KIAA1217: variants seen among roughly 807,000 people sequenced by gnomAD.
The protein encoded by KIAA1217 is KIAA1217.
Under a neutral mutation model 163.9 loss-of-function variants are expected in KIAA1217, and 88 were observed. That is an observed-to-expected ratio of 0.54 (90% CI 0.45 to 0.64). KIAA1217 has a LOEUF of 0.64. Among genes scored for constraint, KIAA1217 ranks in the 30% least tolerant of loss-of-function variants. The pLI is 0.00. For synonymous variants in KIAA1217, 903 were observed against 923.1 expected, an observed-to-expected ratio of 0.98 and a Z score of 0.39; for missense variants, 2,372 against 2,475.0, an observed-to-expected ratio of 0.96 and a Z score of 0.88.
At chr10:24,006,797 C>T (rs891275171) in intron 1 of KIAA1217, among the ~76,000 whole-genome samples, 3 of 152,130 alleles carry the variant, frequency 2.0e-5, no homozygotes, top group Non-Finnish European at 2.9e-5. Context: ...GCTCTTGGAG[C>T]GGCATAGCCA....
rs190168748 is a variant in KIAA1217 at position 24,289,648 on chromosome 10, G to A, written c.354+69739G>A. Among the ~76,000 whole-genome samples the A allele has an allele frequency of 1.0e-3, 154 of 152,232 alleles. 1 individual carries two copies. The highest frequency in any genetic ancestry group is 2.4e-4 in the Non-Finnish European group (16 of 68,014). ...AAGGAGACTGGAAGAGAAGGGACAAGCTTGAGAGAGTTTCCGTGTGGGAAG... is the reference window on the plus strand; with the variant it reads ...AAGGAGACTGGAAGAGAAGGGACAAACTTGAGAGAGTTTCCGTGTGGGAAG... On this transcript the variant is annotated intron_variant, in intron 2 of 20. Transcript: ENST00000376454.
chr10:24,253,025 C>G (rs4747483), intron 2 of KIAA1217, among the ~76,000 whole-genome samples: 111,598 of 150,962 alleles, frequency 0.74, 41,463 homozygotes, highest in Admixed American at 0.8. Flanking sequence ...ATAGGATTAC[C>G]TGAAAAGGAG....
At chr10:24,317,627 AAT>A (rs2043565123) in intron 2 of KIAA1217, among the ~76,000 whole-genome samples, 6 of 152,204 alleles carry the variant, frequency 3.9e-5, no homozygotes. Context: ...TTTTCTTTAG[AAT>A]ATACATGTAT....
At chr10:24,114,589 A>T (rs2131753350) in intron 2 of KIAA1217, among the ~76,000 whole-genome samples, 1 of 152,330 alleles carries the variant, frequency 6.6e-6, no homozygotes, top group East Asian at 1.9e-4. Context: ...CAGGAAGACA[A>T]GGTCCCTGCC....
intron 2 of KIAA1217, among the ~76,000 whole-genome samples, chr10:24,365,480 T>G (rs1456273064): frequency 6.6e-6 from 1 of 152,154 alleles, no homozygotes; most frequent in Non-Finnish European, 1.5e-5. Flanking sequence ...ACCATGCATC[T>G]GCAGGGCTTT....
rs1473593839 is a variant in KIAA1217, at chr10:24,521,920, T to A, written c.2447T>A (p.Met816Lys). Residue 816 changes from methionine (M) to lysine (K), a missense_variant, in exon 12 of 21, where the codon ATG (methionine) becomes AAG (lysine). Around this residue, in one of 3 missense-constraint regions of KIAA1217, gnomAD observed 1,431 missense variants for 1,470.3 expected, o/e 0.97. Coordinates refer to ENST00000376454, the MANE Select transcript of KIAA1217 (RefSeq NM_019590.5). ...CGCAGCATGACAGACGTCCTGACCA[T>A]GCTGCGGAGGTGACCGGGCCCTCAT... ...RVRSMTDVLT[M>K]LRRHVTDGLL... 1 of 1,609,608 alleles carries A rather than the reference T, an allele frequency of 6.2e-7. No individual in the cohort carries two copies. Among genetic ancestry groups the A allele is most frequent in the East Asian group, 2.2e-5 (1 of 44,782 alleles).
At chr10:23,851,979 T>C (rs1304829416) in intron 1 of KIAA1217, among the ~76,000 whole-genome samples, 1 of 152,018 alleles carries the variant, frequency 6.6e-6, no homozygotes, top group Non-Finnish European at 1.5e-5. Context: ...TTCACTCCGA[T>C]GGTAGTTTTT....
At chr10:23,861,844 G>A (rs796473198) in intron 1 of KIAA1217, among the ~76,000 whole-genome samples, 2 of 152,148 alleles carry the variant, frequency 1.3e-5, no homozygotes, top group South Asian at 2.1e-4. Flanking sequence ...CTGACACATG[G>A]ATTTCCTCCT....
At chr10:24,484,252 T>A (rs1244166100) in intron 6 of KIAA1217, among the ~76,000 whole-genome samples, 7 of 124,112 alleles carry the variant, frequency 5.6e-5, no homozygotes, top group African/African-American at 1.5e-4. Flanking sequence ...TTTTTTTTTT[T>A]TTTTTTTTTT....
At chr10:24,370,922 A>G (rs575931292) in intron 2 of KIAA1217, among the ~76,000 whole-genome samples, 1 of 152,354 alleles carries the variant, frequency 6.6e-6, no homozygotes, top group African/African-American at 2.4e-5. Context: ...AAGAAAACAC[A>G]TCACTGAATA....
At position 24,098,162 on chromosome 10, in the gene KIAA1217, A is replaced by T. The variant is rs138488352; in HGVS notation, c.-171+90788A>T. On this transcript the variant is annotated intron_variant, in intron 2 of 18. Coordinates refer to the KIAA1217 transcript ENST00000376462. ...GGAAGAGCAGCTCTCAGTAAAGCAT[A>T]TGGGATCTTATGGAAACAGAAAAGC... Among the ~76,000 whole-genome samples, 254 of 152,190 alleles carry T rather than the reference A, an allele frequency of 1.7e-3. 4 individuals carry two copies. The East Asian group carries it at 0.031, about 18-fold the overall frequency.
chr10:24,415,679 C>A (rs1308801234), intron 3 of KIAA1217, among the ~76,000 whole-genome samples: 1 of 152,132 alleles, frequency 6.6e-6, no homozygotes, highest in African/African-American at 2.4e-5. Flanking sequence ...CTCTTGCACA[C>A]TCACACACAA....
chr10:23,859,444 G>T (rs1292056626), intron 1 of KIAA1217, among the ~76,000 whole-genome samples: 1 of 152,144 alleles, frequency 6.6e-6, no homozygotes, highest in Non-Finnish European at 1.5e-5. Flanking sequence ...TCTAATCTAG[G>T]TTGAAATAAA....
At chr10:24,337,252 A>C (rs1414923445) in intron 2 of KIAA1217, among the ~76,000 whole-genome samples, 1 of 152,268 alleles carries the variant, frequency 6.6e-6, no homozygotes, top group African/African-American at 2.4e-5. Flanking sequence ...AATTAGGTCT[A>C]AGACTTGAAT....
intron 1 of KIAA1217, among the ~76,000 whole-genome samples, chr10:23,984,670 A>G (rs556807235): frequency 6.6e-5 from 10 of 152,110 alleles, no homozygotes; most frequent in African/African-American, 2.4e-4. Context: ...GGAACAGAAA[A>G]CAAACACCAC....
chr10:24,092,928 T>TGTGTTG (rs548350322), intron 2 of KIAA1217, among the ~76,000 whole-genome samples: 7 of 140,952 alleles, frequency 5.0e-5, no homozygotes, highest in African/African-American at 8.2e-5. Flanking sequence ...TGTGTGTGTG[T>TGTGTTG]TGTGTGTGTG....
intron 1 of KIAA1217, among the ~76,000 whole-genome samples, chr10:23,963,565 G>T (rs1438030646): frequency 6.6e-6 from 1 of 152,100 alleles, no homozygotes; most frequent in Non-Finnish European, 1.5e-5. Flanking sequence ...GAACAGTGCC[G>T]CAATAAACAT....
rs558163889 is a variant in KIAA1217 at position 24,391,498 on chromosome 10, A to G, written c.553+10431A>G. Among the ~76,000 whole-genome samples, 267 of 151,830 alleles carry G rather than the reference A, an allele frequency of 1.8e-3. 1 individual carries two copies. The highest frequency in any genetic ancestry group is 3.0e-3 in the Non-Finnish European group (207 of 67,878). ...TAGCTGGGATTACAGGCAACGGCCA[A>G]CACACCTGGTTAATTTTTGTATTTT... On this transcript the variant is annotated intron_variant, in intron 3 of 20. Coordinates refer to ENST00000376454, the MANE Select transcript of KIAA1217 (RefSeq NM_019590.5).
chr10:24,119,419 C>T (rs55828461), intron 2 of KIAA1217, among the ~76,000 whole-genome samples: 1 of 152,012 alleles, frequency 6.6e-6, no homozygotes, highest in African/African-American at 2.4e-5. Flanking sequence ...TTTGAAATTG[C>T]CATGAAATCA....
Sources: gnomAD v4.1 joint callset for allele counts (sites outside exome capture counted in the v4.1 genomes callset) on GRCh38, gnomAD v4.1.1 for gene constraint, gnomAD v4.1.1 regional missense constraint, MANE v1.5 for transcripts, NCBI Gene and HGNC (gene_info 2026-07-23, HGNC 2026-07-21) for gene names.